The following PACSIN3 variants were observed in gnomAD, a reference collection of about 807,000 sequenced individuals.
PACSIN3 encodes the protein protein kinase C and casein kinase substrate in neurons 3.
In PACSIN3, 34 loss-of-function variants were observed where a neutral mutation model predicts 56.1. The ratio of observed to expected loss-of-function variants is 0.61; its 90% CI spans 0.46 to 0.81. PACSIN3 has a LOEUF of 0.81. Among genes scored for constraint, PACSIN3 ranks in the 30% least tolerant of loss-of-function variants. The probability of loss-of-function intolerance (pLI) is 0.00; values close to 1 mark genes in which losing one functional copy is unlikely to be tolerated. For missense variants in PACSIN3, 535 were observed against 592.4 expected (o/e 0.90, Z 1.01); for synonymous variants, 218 against 229.8 (o/e 0.95, Z 0.46).
In PACSIN3 at chr11:47,178,518, G is replaced by T; in HGVS notation, c.1038-31C>A. On this transcript the variant is annotated intron_variant, in intron 9 of 10. Coordinates refer to ENST00000298838, the MANE Select transcript of PACSIN3 (RefSeq NM_016223.5). This position sits in a 1 kb window ranked among gnomAD's most constrained non-coding sequence, Gnocchi z 4.2. ...GAGGGGAGGCAAAGGGAGCAGCTCAGAGTGCAAGGAACACGGGGCTGGAGA... is the reference window on the plus strand; with the variant it reads ...GAGGGGAGGCAAAGGGAGCAGCTCATAGTGCAAGGAACACGGGGCTGGAGA... 1 of 1,608,274 alleles carries T rather than the reference G, an allele frequency of 6.2e-7. No individual in the cohort carries two copies. The highest frequency in any genetic ancestry group is 8.5e-7 in the Non-Finnish European group (1 of 1,176,754).
chr11:47,179,218 G>T lies in PACSIN3; in HGVS notation c.841C>A (p.Leu281Met). 6.2e-7 allele frequency: 1 copy of T among 1,614,044 alleles called. No individual in the cohort carries two copies. The highest frequency in any genetic ancestry group is 8.5e-7 in the Non-Finnish European group (1 of 1,180,034). The part of the protein sequence containing the change: ...GIEAASDEED[L>M]RWWRSTHGPG... ...CCGTGGGTGCTGCGCCACCAGCGCA[G>T]ATCCTCTTCGTCACTGGCTGCCTCA... Residue 281 changes from leucine (L) to methionine (M), a missense_variant, in exon 8 of 11, where the codon CTG becomes ATG. By Grantham distance (15) the Leu-to-Met change is conservative. Transcript: ENST00000298838. The surrounding 1 kb of genome is among the most constrained non-coding windows in gnomAD (Gnocchi z 4.4).
In PACSIN3 at chr11:47,182,475, C is replaced by T. The variant is rs199499148; in HGVS notation, c.139G>A (p.Ala47Thr). 2.6e-4 allele frequency: 413 copies of T among 1,608,382 alleles called. 7 individuals carry two copies. In the Admixed American group the frequency reaches 5.7e-3, roughly 22 times the overall value. Residue 47 changes from alanine (A) to threonine (T), a missense_variant, in exon 4 of 11, where the codon GCC (alanine) becomes ACC (threonine). Transcript: ENST00000298838. ...GDLVSCFQER[A>T]RIEKAYAQQL... ...TGGGCATAAGCCTTCTCGATGCGGGCGCGCTCCTGGAAGCAGCTGACCAGG... is the reference window on the plus strand; with the variant it reads ...TGGGCATAAGCCTTCTCGATGCGGGTGCGCTCCTGGAAGCAGCTGACCAGG...
In PACSIN3 at chr11:47,180,832, T is replaced by C. The variant is rs1205662325; in HGVS notation, c.212-142A>G. 10 of 645,900 alleles carry C rather than the reference T, an allele frequency of 1.5e-5. 1 individual carries two copies. Among genetic ancestry groups the C allele is most frequent in the South Asian group, 1.4e-4 (7 of 51,430 alleles). The allele number at this position is 645,900 out of a possible 1,614,324, so 40.0% of individuals were successfully genotyped here. ...ATGACAACCCTGTCAGCTGGGCTTA[T>C]TGAATGAGGACCATGTGCCTTATCT... On this transcript the variant is annotated intron_variant, in intron 4 of 10. Transcript: ENST00000298838.
At chr11:47,184,921 G>A (rs1322807045) in intron 1 of PACSIN3, among the ~76,000 whole-genome samples, 1 of 151,794 alleles carries the variant, frequency 6.6e-6, no homozygotes. Context: ...TGTGTGTACC[G>A]GGCTGGCACA....
At position 47,179,614 on chromosome 11, in the gene PACSIN3, G is replaced by A; in HGVS notation, c.604-28C>T. 1 of 1,603,232 alleles carries A rather than the reference G, an allele frequency of 6.2e-7. No individual in the cohort carries two copies. Among genetic ancestry groups the A allele is most frequent in the Non-Finnish European group, 8.5e-7 (1 of 1,176,288 alleles). ...GGGTGGGAGAGGAGGGGCCTGGTGA[G>A]AACCAGACCTTCTTCCACCCAGGAC... On this transcript the variant is annotated intron_variant, in intron 6 of 10. Transcript: ENST00000298838. This position sits in a 1 kb window ranked among gnomAD's most constrained non-coding sequence, Gnocchi z 4.4.
At position 47,180,499 on chromosome 11, in the gene PACSIN3, C is replaced by A; in HGVS notation, c.403G>T (p.Gly135Cys). Residue 135 changes from glycine to cysteine, a missense_variant, in exon 5 of 11, where the codon GGC (glycine) becomes TGC (cysteine). Gly to Cys is a radical substitution (Grantham distance 159). Coordinates refer to ENST00000298838, the MANE Select transcript of PACSIN3 (RefSeq NM_016223.5). The part of the protein sequence containing the change: ...GFRESRAAED[G>C]FRKAQKPWLK... ...CAGGGCTTCTGGGCCTTGCGGAAGC[C>A]GTCCTCGGCCGCCCGGCTCTCGCGG... 6.2e-7 allele frequency: 1 copy of A among 1,603,766 alleles called. No homozygotes were observed. Among genetic ancestry groups the A allele is most frequent in the African/African-American group, 1.3e-5 (1 of 75,014 alleles).
intron 1 of PACSIN3, chr11:47,185,867 G>T: frequency 6.6e-6 from 1 of 152,452 alleles, no homozygotes; most frequent in Non-Finnish European, 1.5e-5. Context: ...GGCCAAACTT[G>T]TTGAACTTGG....
rs182267584 is a variant in PACSIN3, at chr11:47,181,307, G to A, written c.212-617C>T. 5.3e-5 allele frequency among the ~76,000 whole-genome samples: 8 copies of A among 150,410 alleles called. No homozygotes were observed. In the East Asian group the frequency reaches 1.4e-3, roughly 25 times the overall value. On this transcript the variant is annotated intron_variant, in intron 4 of 10. Coordinates refer to ENST00000298838, the MANE Select transcript of PACSIN3 (RefSeq NM_016223.5). ...GGAGCTGAGATTCAAACCCATCTCT[G>A]TTGTGTAAACACTACACTCCATTGC...
rs769245550 is a variant in PACSIN3, at chr11:47,179,491, G to C, written c.699C>G (p.Ala233=). The C allele has an allele frequency of 6.2e-7, 1 of 1,613,972 alleles. No homozygotes were observed. The highest frequency in any genetic ancestry group is 1.7e-5 in the Admixed American group (1 of 60,020). Reference sequence around the variant, plus strand: ...AGAAAAGAAGCCGCTGGCGCTCGGCGGCCTGGCAGGTCTCAAAGGCCTGTT... The same window carrying C: ...AGAAAAGAAGCCGCTGGCGCTCGGCCGCCTGGCAGGTCTCAAAGGCCTGTT... ...DMEQAFETCQ[A]AERQRLLFFK... Residue 233 remains alanine, a synonymous_variant, in exon 7 of 11, where the codon GCC becomes GCG. Coordinates refer to ENST00000298838, the MANE Select transcript of PACSIN3 (RefSeq NM_016223.5). The surrounding 1 kb of genome is among the most constrained non-coding windows in gnomAD (Gnocchi z 4.4).
rs1953117686 is a variant in PACSIN3 at position 47,186,206 on chromosome 11, T to TGAG, written c.-104+142_-104+143insCTC. 1.3e-5 allele frequency: 2 copies of TGAG among 151,342 alleles called. No individual in the cohort carries two copies. The highest frequency in any genetic ancestry group is 3.0e-5 in the Non-Finnish European group (2 of 67,784). 9.4% of individuals were successfully genotyped at this position (151,342 alleles called of 1,614,324 possible). ...CTCGGCGCGGCTACGGCCCTTCCCG[T>TGAG]CGGCACGCAGAGCGGGGTGGCCGGG... is the stretch of plus-strand genomic sequence containing the variant. On this transcript the variant is annotated intron_variant, in intron 1 of 10. Transcript: ENST00000298838. The surrounding 1 kb of genome is among the most constrained non-coding windows in gnomAD (Gnocchi z 4.5).
At chr11:47,181,223 C>T (rs1475916925) in intron 4 of PACSIN3, among the ~76,000 whole-genome samples, 4 of 151,878 alleles carry the variant, frequency 2.6e-5, no homozygotes, top group African/African-American at 7.3e-5. Context: ...GATCACGCCG[C>T]TGTACTCCAG....
Position 47,178,185 on chromosome 11 carries a change from T to G in PACSIN3, c.1160-139A>C, listed in dbSNP as rs1590969696. ...TGGCTCAGGCAGAGGCAGGTCAAGG[T>G]CAGCAAGCTGCCCCACCCCAGACCC... On this transcript the variant is annotated intron_variant, in intron 10 of 10. Coordinates refer to ENST00000298838, the MANE Select transcript of PACSIN3 (RefSeq NM_016223.5). The surrounding 1 kb of genome is among the most constrained non-coding windows in gnomAD (Gnocchi z 4.2). 8.6e-7 allele frequency: 1 copy of G among 1,161,580 alleles called. No homozygotes were observed. Among genetic ancestry groups the G allele is most frequent in the Admixed American group, 2.1e-5 (1 of 46,742 alleles). The allele number at this position is 1,161,580 out of a possible 1,614,324, so 72.0% of individuals were successfully genotyped here.
Position 47,178,389 on chromosome 11 carries a change from G to A in PACSIN3, c.1136C>T (p.Ala379Val). 2 of 1,614,062 alleles carry A rather than the reference G, an allele frequency of 1.2e-6. No individual in the cohort carries two copies. Among genetic ancestry groups the A allele is most frequent in the Non-Finnish European group, 1.7e-6 (2 of 1,180,004 alleles). Reference sequence around the variant, plus strand: ...ACCTGCTCGGAAGCTCAGCTCATCAGCTTCCTGGCCAGCGTAGTCATAGAG... The same window carrying A: ...ACCTGCTCGGAAGCTCAGCTCATCAACTTCCTGGCCAGCGTAGTCATAGAG... ...RALYDYAGQE[A>V]DELSFRAGEE... The change falls in exon 10 of 11, where the codon GCT becomes GTT. Residue 379 changes from alanine (A) to valine (V), a missense_variant. Physicochemically the swap from Ala to Val is moderately conservative, Grantham distance 64. Coordinates refer to ENST00000298838, the MANE Select transcript of PACSIN3 (RefSeq NM_016223.5). This position sits in a 1 kb window ranked among gnomAD's most constrained non-coding sequence, Gnocchi z 4.2.
rs1433453605 is a variant in PACSIN3 at position 47,178,954 on chromosome 11, G to A, written c.977C>T (p.Thr326Ile). ...GCCATCTCTTGTAGGCACAATGCTG[G>A]TCAGGGTAACCTCATCAGGGCTCCG... ...GGRSPDEVTL[T>I]SIVPTRDGTA... The change falls in exon 9 of 11, where the codon ACC becomes ATC. Residue 326 changes from threonine to isoleucine, a missense_variant. Physicochemically the swap from Thr to Ile is moderately conservative, Grantham distance 89 (BLOSUM62 -1). Transcript: ENST00000298838. This position sits in a 1 kb window ranked among gnomAD's most constrained non-coding sequence, Gnocchi z 4.2. 1.9e-6 allele frequency: 3 copies of A among 1,614,062 alleles called. No individual in the cohort carries two copies. The highest frequency in any genetic ancestry group is 2.5e-6 in the Non-Finnish European group (3 of 1,180,006).
Position 47,182,707 on chromosome 11 carries a change from A to C in PACSIN3, c.21T>G (p.Ala7=), listed in dbSNP as rs1439750908. The C allele has an allele frequency of 6.2e-7, 1 of 1,612,874 alleles. No homozygotes were observed. Among genetic ancestry groups the C allele is most frequent in the Non-Finnish European group, 8.5e-7 (1 of 1,179,432 alleles). The change falls in exon 3 of 11, where the codon GCT becomes GCG. Residue 7 remains alanine, a synonymous_variant. Coordinates refer to ENST00000298838, the MANE Select transcript of PACSIN3 (RefSeq NM_016223.5). MAPEED[A]GGEALGGSFW... ...AACTGCCCCCTAAGGCCTCCCCTCC[A>C]GCGTCCTCTTCTGGAGCCATGGTGT...
rs554300514 is a variant in PACSIN3 at position 47,180,154 on chromosome 11, C to CG, written c.603+31dup. On this transcript the variant is annotated intron_variant, in intron 6 of 10. Coordinates refer to ENST00000298838, the MANE Select transcript of PACSIN3 (RefSeq NM_016223.5). ...TTCATTCAGGAAGCCGTGCCCTGGG[C>CG]GGGGGCCAGGGCTGGGACCTGTGGC... 3.4e-4 allele frequency: 542 copies of CG among 1,587,202 alleles called. 1 individual carries two copies. In the African/African-American group the frequency reaches 6.8e-3, roughly 20 times the overall value.
chr11:47,182,139 G>A lies in PACSIN3; in HGVS notation c.211+264C>T, dbSNP rs1233369167. On this transcript the variant is annotated intron_variant, in intron 4 of 10. Coordinates refer to ENST00000298838, the MANE Select transcript of PACSIN3 (RefSeq NM_016223.5). Reference sequence around the variant, plus strand: ...CCAGCATGGGCAACAAGTGCAAAACGTCTCAAAAAAAAAAAAAAAAGAAAG... The same window carrying A: ...CCAGCATGGGCAACAAGTGCAAAACATCTCAAAAAAAAAAAAAAAAGAAAG... Among the ~76,000 whole-genome samples, 5 of 135,980 alleles carry A rather than the reference G, an allele frequency of 3.7e-5. No individual in the cohort carries two copies. The South Asian group carries it at 6.8e-4, about 18-fold the overall frequency. The allele number at this position is 135,980 out of a possible 152,430, so 89.2% of individuals were successfully genotyped here. A position where few individuals can be genotyped will look rare whatever the true frequency, so the allele number is the denominator to read the frequency against.
Position 47,182,416 on chromosome 11 carries a change from C to A in PACSIN3, c.198G>T (p.Gly66=). The change falls in exon 4 of 11, where the codon GGG becomes GGT. Residue 66 remains glycine (G), a synonymous_variant. Transcript: ENST00000298838. ...QLADWARKWR[G]TVEKGPQYGT... Reference sequence around the variant, plus strand: ...GGCCTGGCTCACCCTTCTCCACGGTCCCCCTCCACTTTCGGGCCCAGTCAG... The same window carrying A: ...GGCCTGGCTCACCCTTCTCCACGGTACCCCTCCACTTTCGGGCCCAGTCAG... 1.9e-6 allele frequency: 3 copies of A among 1,599,284 alleles called. No homozygotes were observed. Among genetic ancestry groups the A allele is most frequent in the Non-Finnish European group, 2.5e-6 (3 of 1,178,880 alleles).
Position 47,179,300 on chromosome 11 carries a change from C to G in PACSIN3, c.780-21G>C. On this transcript the variant is annotated intron_variant, in intron 7 of 10. Coordinates refer to ENST00000298838, the MANE Select transcript of PACSIN3 (RefSeq NM_016223.5). The surrounding 1 kb of genome is among the most constrained non-coding windows in gnomAD (Gnocchi z 4.4). ...GGAACCTATGACCCAAGGCACACCC[C>G]TCAGTCTAGGAAGTCTAGACCCTGC... 1 of 1,614,056 alleles carries G rather than the reference C, an allele frequency of 6.2e-7. No homozygotes were observed. The highest frequency in any genetic ancestry group is 8.5e-7 in the Non-Finnish European group (1 of 1,180,036).
Sources: gnomAD v4.1 joint callset for allele counts (sites outside exome capture counted in the v4.1 genomes callset) on GRCh38, gnomAD v4.1.1 for gene constraint, Gnocchi (gnomAD v3.1) non-coding constraint, MANE v1.5 for transcripts, NCBI Gene and HGNC (gene_info 2026-07-23, HGNC 2026-07-21) for gene names.